NSD1: variants seen among roughly 807,000 people sequenced by gnomAD.
NSD1 encodes nuclear receptor binding SET domain protein 1.
In NSD1, 26 loss-of-function variants were observed where a neutral mutation model predicts 242.7. The observed-to-expected ratio is 0.11, with a 90% CI of 0.08 to 0.15. The LOEUF is 0.15. NSD1 is among the 10% of genes least tolerant of loss of function. The probability of loss-of-function intolerance (pLI) is 1.00; values close to 1 mark genes in which losing one functional copy is unlikely to be tolerated. For synonymous variants in NSD1, 1,106 were observed against 1,178.1 expected (o/e 0.94, Z 1.25); for missense variants, 2,495 against 3,272.8 (o/e 0.76, Z 5.80).
chr5:177,181,347 A>G (rs1760653561), intron 2 of NSD1, among the ~76,000 whole-genome samples: 1 of 151,686 alleles, frequency 6.6e-6, no homozygotes, highest in Non-Finnish European at 1.5e-5. Context: ...ATCAAATGGC[A>G]TTGAATGCTA....
chr5:177,282,730 G>T, intron 19 of NSD1, 149 bp downstream of exon 19: 1 of 729,466 alleles, frequency 1.4e-6, no homozygotes, highest in Non-Finnish European at 2.5e-6. Flanking sequence ...TCTGGAGTAG[G>T]TAAGAGTGCT....
At chr5:177,194,538 C>T (rs2149824414) in intron 3 of NSD1, among the ~76,000 whole-genome samples, 1 of 147,584 alleles carries the variant, frequency 6.8e-6, no homozygotes, top group Middle Eastern at 3.4e-3. Flanking sequence ...CCACCTTGGC[C>T]TTCCGGAGTG....
rs1419607165 is a variant in NSD1, at chr5:177,158,282, TTTCTTTCTTTC to T, written c.927+22255_927+22265del. ...CTTTCTTTCTTTCTTTCTTTCTTTCTTTCTTTCTTTCTTTCTTTCTTTTCTTTCTTTTCTTT... is the reference window on the plus strand; with the variant it reads ...CTTTCTTTCTTTCTTTCTTTCTTTCTTTTCTTTCTTTTCTTTCTTTTCTTT... On this transcript the variant is annotated intron_variant, in intron 2 of 22. Transcript: ENST00000439151. Among the ~76,000 whole-genome samples the T allele has an allele frequency of 7.7e-3, 790 of 102,374 alleles. 8 individuals are homozygous for T. Among genetic ancestry groups the T allele is most frequent in the African/African-American group, 0.034 (637 of 18,622 alleles). The allele number at this position is 102,374 out of a possible 152,430, so 67.2% of individuals were successfully genotyped here. A position where few individuals can be genotyped will look rare whatever the true frequency, so the allele number is the denominator to read the frequency against.
At chr5:177,154,583 C>T (rs942535649) in intron 2 of NSD1, among the ~76,000 whole-genome samples, 1 of 152,086 alleles carries the variant, frequency 6.6e-6, no homozygotes, top group Non-Finnish European at 1.5e-5. Flanking sequence ...TCCCGGAGAC[C>T]ACCTTTTTTA....
At chr5:177,192,050 G>C in intron 3 of NSD1, 31 bp downstream of exon 3, 1 of 1,603,132 alleles carries the variant, frequency 6.2e-7, no homozygotes, top group Non-Finnish European at 8.5e-7. Context: ...ACATGTTAAA[G>C]GCAGTTGCCT....
chr5:177,253,562 A>T (rs560223382), intron 12 of NSD1, among the ~76,000 whole-genome samples: 4 of 152,192 alleles, frequency 2.6e-5, no homozygotes, highest in Middle Eastern at 3.4e-3. Context: ...GGTTATTATA[A>T]ATAAAGCTGC....
At chr5:177,251,665 A>G (rs912091872) in intron 11 of NSD1, 65 bp from the exon 12 acceptor site, 181 of 1,561,454 alleles carry the variant, frequency 1.2e-4, no homozygotes, top group Non-Finnish European at 1.4e-4. Context: ...TAACCCACTG[A>G]CACTGGTTTT....
At chr5:177,251,685 T>C in intron 11 of NSD1, 45 bp from the exon 12 acceptor site, 1 of 1,609,404 alleles carries the variant, frequency 6.2e-7, no homozygotes, top group Non-Finnish European at 8.5e-7. Flanking sequence ...TACTCTTGAT[T>C]CTCAAACATG....
chr5:177,247,244 A>G (rs1250825592), intron 10 of NSD1, among the ~76,000 whole-genome samples: 7 of 152,220 alleles, frequency 4.6e-5, no homozygotes, highest in Non-Finnish European at 1.0e-4. Context: ...AGCCTCGCCA[A>G]CATGGTGAAA....
chr5:177,203,501 G>A (rs1762648672), intron 3 of NSD1, among the ~76,000 whole-genome samples: 1 of 152,096 alleles, frequency 6.6e-6, no homozygotes, highest in South Asian at 2.1e-4. Context: ...GTTTGACCAT[G>A]CGCTTGTTCT....
At chr5:177,276,217 TACG>T (rs1265862067) in intron 17 of NSD1, among the ~76,000 whole-genome samples, 1 of 152,148 alleles carries the variant, frequency 6.6e-6, no homozygotes, top group Non-Finnish European at 1.5e-5. Context: ...AGGCGTGAGC[TACG>T]ACACTTGGCC....
chr5:177,261,338 CCCAAAGTGCT>C (rs1333778514), intron 14 of NSD1, among the ~76,000 whole-genome samples: 1 of 150,788 alleles, frequency 6.6e-6, no homozygotes, highest in African/African-American at 2.4e-5. Flanking sequence ...TCCTCAGCTT[CCCAAAGTGCT>C]AGGATTACAG....
rs150683873 is a variant in NSD1 at position 177,261,935 on chromosome 5, G to A, written c.5146+1767G>A. Among the ~76,000 whole-genome samples the A allele has an allele frequency of 4.1e-3, 629 of 152,268 alleles. 3 individuals are homozygous for A. The highest frequency in any genetic ancestry group is 6.8e-3 in the Middle Eastern group (2 of 294). ...CTAATTTTAAAAAGAGTCAATATAT[G>A]TAATAGAATGAGCATTGTACTTTGA... is the stretch of plus-strand genomic sequence containing the variant. On this transcript the variant is annotated intron_variant, in intron 14 of 22. Transcript: ENST00000439151.
In NSD1 at chr5:177,210,179, C is replaced by T. The variant is rs2149843682; in HGVS notation, c.1780C>T (p.Pro594Ser). 1 of 1,604,014 alleles carries T rather than the reference C, an allele frequency of 6.2e-7. No homozygotes were observed. Among genetic ancestry groups the T allele is most frequent in the East Asian group, 2.2e-5 (1 of 44,766 alleles). The change falls in exon 5 of 23, where the codon CCT (proline) becomes TCT (serine). Residue 594 changes from proline to serine, a missense_variant. By Grantham distance (74) the Pro-to-Ser change is moderately conservative. This residue lies in a region of NSD1 where 515 missense variants were observed against 467.0 expected (regional missense o/e 1.10). Transcript: ENST00000439151. ...AAATGGTGACTCTTTATTGGGCTTG[C>T]CTGAGGGTGCTTTGATCTCAAAGTG... ...TSNGDSLLGLPEGALISKCSR... is the reference protein window; with the variant it reads ...TSNGDSLLGLSEGALISKCSR...
At chr5:177,231,490 C>T (rs530581231) in intron 5 of NSD1, among the ~76,000 whole-genome samples, 22 of 152,296 alleles carry the variant, frequency 1.4e-4, no homozygotes, top group East Asian at 7.7e-4. Flanking sequence ...TTCAGTGGCA[C>T]GATCTCGACT....
chr5:177,158,915 A>G (rs1044127080), intron 2 of NSD1, among the ~76,000 whole-genome samples: 2 of 139,718 alleles, frequency 1.4e-5, no homozygotes, highest in South Asian at 2.2e-4. Context: ...AGTTTTTTAT[A>G]TATAGTTTGT....
At chr5:177,223,719 A>T (rs1273089559) in intron 5 of NSD1, among the ~76,000 whole-genome samples, 1 of 152,200 alleles carries the variant, frequency 6.6e-6, no homozygotes, top group Non-Finnish European at 1.5e-5. Context: ...GTGGTGGCTC[A>T]CACCTGTAAT....
At chr5:177,274,192 C>G (rs1758169734) in intron 17 of NSD1, among the ~76,000 whole-genome samples, 2 of 152,088 alleles carry the variant, frequency 1.3e-5, no homozygotes, top group South Asian at 4.1e-4. Context: ...TACCAGAACA[C>G]CATTCCTAGC....
At position 177,269,970 on chromosome 5, in the gene NSD1, A is replaced by G. The variant is rs1377418921; in HGVS notation, c.5509+163A>G. ...ATTTTGCAAGGAAGTTGACCCATGTAACTCATTATTTTTGAGCCTTAACCT... is the reference window on the plus strand; with the variant it reads ...ATTTTGCAAGGAAGTTGACCCATGTGACTCATTATTTTTGAGCCTTAACCT... On this transcript the variant is annotated intron_variant, in intron 16 of 22. Coordinates refer to ENST00000439151, the MANE Select transcript of NSD1 (RefSeq NM_022455.5). This position sits in a 1 kb window ranked among gnomAD's most constrained non-coding sequence, Gnocchi z 5.1. Among the ~76,000 whole-genome samples the G allele has an allele frequency of 1.3e-5, 2 of 152,186 alleles. No homozygotes were observed. The highest frequency in any genetic ancestry group is 2.4e-5 in the African/African-American group (1 of 41,466).
Sources: gnomAD v4.1 joint callset for allele counts (sites outside exome capture counted in the v4.1 genomes callset) on GRCh38, gnomAD v4.1.1 for gene constraint, gnomAD v4.1.1 regional missense constraint, Gnocchi (gnomAD v3.1) non-coding constraint, MANE v1.5 for transcripts, NCBI Gene and HGNC (gene_info 2026-07-23, HGNC 2026-07-21) for gene names.